Variants in TMEM98 observed in about 807,000 individuals in gnomAD.
TMEM98 encodes the protein transmembrane protein 98.
A neutral mutation model predicts 25.0 loss-of-function variants in TMEM98; 18 were observed. The ratio of observed to expected loss-of-function variants is 0.72; its 90% confidence interval spans 0.50 to 1.07. TMEM98 has a LOEUF of 1.07. TMEM98 is among the 50% of genes least tolerant of loss of function. The probability of loss-of-function intolerance (pLI) is 0.00; values close to 1 mark genes in which losing one functional copy is unlikely to be tolerated. For synonymous variants in TMEM98, 103 were observed against 112.4 expected, an observed-to-expected ratio of 0.92 and a Z score of 0.53; for missense variants, 241 against 289.0, an observed-to-expected ratio of 0.83 and a Z score of 1.20.
chr17:32,933,908 A>G (rs982080635), intron 4 of TMEM98, among the ~76,000 whole-genome samples: 11 of 152,212 alleles, frequency 7.2e-5, no homozygotes, highest in African/African-American at 2.4e-4. Context: ...GCTGGATCTC[A>G]TGGAAGATAT....
intron 3 of TMEM98, among the ~76,000 whole-genome samples, chr17:32,932,174 C>A (rs2091473539): frequency 6.8e-6 from 1 of 146,304 alleles, no homozygotes; most frequent in Non-Finnish European, 1.5e-5. Context: ...AATCTTGGCT[C>A]ACTGCAACCT....
intron 4 of TMEM98, among the ~76,000 whole-genome samples, chr17:32,933,618 C>T (rs975142012): frequency 6.6e-6 from 1 of 152,160 alleles, no homozygotes; most frequent in Non-Finnish European, 1.5e-5. Context: ...GAGATGCAGC[C>T]CTTTTCTTTA....
At chr17:32,932,014 A>G (rs1405272939) in intron 3 of TMEM98, among the ~76,000 whole-genome samples, 1 of 150,950 alleles carries the variant, frequency 6.6e-6, no homozygotes, top group Admixed American at 6.6e-5. Context: ...AGATGCCCAC[A>G]CTCTGGCCAT....
At chr17:32,933,063 C>T in intron 3 of TMEM98, 111 bp from the exon 4 acceptor site, 1 of 1,463,090 alleles carries the variant, frequency 6.8e-7, no homozygotes, top group East Asian at 2.4e-5. Flanking sequence ...GGTCTCTGCC[C>T]TAGCTTACTG....
chr17:32,932,651 T>A (rs144993246), intron 3 of TMEM98, among the ~76,000 whole-genome samples: 29 of 152,276 alleles, frequency 1.9e-4, no homozygotes, highest in African/African-American at 6.7e-4. Flanking sequence ...TAAAGTACCC[T>A]GTTGTAAAAT....
chr17:32,928,855 T>G (rs1329597714), intron 1 of TMEM98, among the ~76,000 whole-genome samples: 1 of 131,274 alleles, frequency 7.6e-6, no homozygotes, highest in Non-Finnish European at 1.6e-5. Flanking sequence ...AGAAGCACAC[T>G]CAGAAACATT....
Position 32,940,972 on chromosome 17 carries a change from G to T in TMEM98, c.660G>T (p.Leu220=). 2 of 1,610,488 alleles carry T rather than the reference G, an allele frequency of 1.2e-6. No homozygotes were observed. The highest frequency in any genetic ancestry group is 4.5e-5 in the East Asian group (2 of 44,820). ...DKGLPGPEGF[L]QEQSAI is the part of the protein sequence containing the mutation. ...GCCTCCCAGGCCCTGAAGGCTTCCT[G>T]CAGGAGCAGTCTGCAATTTAGTGCC... The change falls in exon 8 of 8, where the codon CTG becomes CTT. Residue 220 remains leucine, a synonymous_variant. Coordinates refer to ENST00000579849, the MANE Select transcript of TMEM98 (RefSeq NM_015544.3).
intron 1 of TMEM98, among the ~76,000 whole-genome samples, chr17:32,929,262 G>A (rs944156616): frequency 6.6e-6 from 1 of 150,750 alleles, no homozygotes; most frequent in Non-Finnish European, 1.5e-5. Flanking sequence ...AACAGCTCAC[G>A]CACACTAACA....
intron 6 of TMEM98, among the ~76,000 whole-genome samples, chr17:32,938,723 C>T (rs2091511138): frequency 6.6e-6 from 1 of 152,088 alleles, no homozygotes; most frequent in Non-Finnish European, 1.5e-5. Flanking sequence ...ATACTGCAGA[C>T]ATACATGACC....
At chr17:32,931,693 TG>T (rs1429644144) in intron 3 of TMEM98, 34 bp downstream of exon 3, 27 of 1,593,428 alleles carry the variant, frequency 1.7e-5, no homozygotes, top group Non-Finnish European at 2.3e-5. Flanking sequence ...GGAGGAGGGG[TG>T]GGCTCTAACT....
intron 3 of TMEM98, 68 bp downstream of exon 3, chr17:32,931,727 A>G: frequency 6.5e-7 from 1 of 1,544,710 alleles, no homozygotes; most frequent in Non-Finnish European, 8.7e-7. Flanking sequence ...AGGAACACGT[A>G]GTTCAGTGTT....
At chr17:32,933,152 TA>T in intron 3 of TMEM98, 21 bp from the exon 4 acceptor site, 1 of 1,613,618 alleles carries the variant, frequency 6.2e-7, no homozygotes, top group South Asian at 1.1e-5. Flanking sequence ...TGAAACCATT[TA>T]ACGGGGGCCT....
rs1475809471 is a variant in TMEM98 at position 32,941,590 on chromosome 17, C to G, written c.*597C>G. On this transcript the variant is annotated 3_prime_UTR_variant, in exon 8 of 8. Transcript: ENST00000579849. ...GATGATTTCTTTTTTATCTTTATGCCTGCAATTTTACCTAGCTACCACTAG... is the reference window on the plus strand; with the variant it reads ...GATGATTTCTTTTTTATCTTTATGCGTGCAATTTTACCTAGCTACCACTAG... The G allele has an allele frequency of 6.6e-6, 1 of 152,176 alleles. No individual in the cohort carries two copies. The highest frequency in any genetic ancestry group is 1.5e-5 in the Non-Finnish European group (1 of 68,096). The allele number at this position is 152,176 out of a possible 1,614,324, so 9.4% of individuals were successfully genotyped here.
chr17:32,933,029 C>A, intron 3 of TMEM98, 145 bp from the exon 4 acceptor site: 1 of 1,229,686 alleles, frequency 8.1e-7, no homozygotes, highest in Non-Finnish European at 1.1e-6. Flanking sequence ...CCCCACTAGG[C>A]TTAGGTTTGG....
In TMEM98 at chr17:32,936,404, A is replaced by G. The variant is rs2091496586; in HGVS notation, c.370A>G (p.Ser124Gly). Reference sequence around the variant, plus strand: ...TGGGGCCAAGATGAAGACTTCAGCCAGTGTCAGCGACATCATTGTGGTGGC... The same window carrying G: ...TGGGGCCAAGATGAAGACTTCAGCCGGTGTCAGCGACATCATTGTGGTGGC... ...GSGAKMKTSASVSDIIVVAKR... is the reference protein window; with the variant it reads ...GSGAKMKTSAGVSDIIVVAKR... The change falls in exon 6 of 8, where the codon AGT (serine) becomes GGT (glycine). Residue 124 changes from serine to glycine, a missense_variant. Coordinates refer to ENST00000579849, the MANE Select transcript of TMEM98 (RefSeq NM_015544.3). 1 of 1,614,196 alleles carries G rather than the reference A, an allele frequency of 6.2e-7. No individual in the cohort carries two copies. The highest frequency in any genetic ancestry group is 1.3e-5 in the African/African-American group (1 of 75,050).
chr17:32,937,521 GC>G (rs1186741814), intron 6 of TMEM98, among the ~76,000 whole-genome samples: 2 of 152,198 alleles, frequency 1.3e-5, no homozygotes, highest in African/African-American at 4.8e-5. Context: ...CACATGGTCA[GC>G]CCCTGGCTTT....
chr17:32,933,556 C>T (rs2091480968), intron 4 of TMEM98, among the ~76,000 whole-genome samples: 1 of 152,176 alleles, frequency 6.6e-6, no homozygotes, highest in Admixed American at 6.5e-5. Flanking sequence ...ATAAAGTCAC[C>T]CTGGTGTGCT....
At chr17:32,939,407 A>C in intron 6 of TMEM98, 70 bp from the exon 7 acceptor site, 1 of 1,464,034 alleles carries the variant, frequency 6.8e-7, no homozygotes. Flanking sequence ...ACTCTGTCTC[A>C]GGAAAAAAAA....
At chr17:32,928,674 G>C (rs933042653) in intron 1 of TMEM98, among the ~76,000 whole-genome samples, 1 of 151,958 alleles carries the variant, frequency 6.6e-6, no homozygotes, top group Non-Finnish European at 1.5e-5. Flanking sequence ...CTGCAGAGAA[G>C]GACCACGAAC....
Sources: allele counts gnomAD v4.1 joint callset (sites outside exome capture counted in the v4.1 genomes callset), GRCh38; gene constraint gnomAD v4.1.1; transcripts MANE v1.5; gene names NCBI Gene and HGNC (gene_info 2026-07-23, HGNC 2026-07-21).